Variants in CEP295NL observed in about 807,000 individuals in gnomAD.
CEP295NL encodes the protein protein DDC8 homolog.
CEP295NL carries 3 observed loss-of-function variants against 4.6 expected under a neutral mutation model. The observed-to-expected ratio is 0.65, with a 90% CI of 0.30 to 1.69. The LOEUF (loss-of-function observed/expected upper bound fraction) is 1.69, where lower values mean the gene tolerates loss of function less well. CEP295NL is among the 40% of genes most tolerant of loss of function. The probability of loss-of-function intolerance (pLI) is 0.10; values close to 1 mark genes in which losing one functional copy is unlikely to be tolerated. For synonymous variants in CEP295NL, 295 were observed against 312.2 expected, an observed-to-expected ratio of 0.94 and a Z score of 0.58; for missense variants, 719 against 769.0, an observed-to-expected ratio of 0.93 and a Z score of 0.77.
chr17:78,896,908 T>C lies in CEP295NL; in HGVS notation c.45-4449A>G. ...ATCCCAGCACCTGGGCCCAGGAATG[T>C]GCTTGGCCACCAGATTCCCAGCGAT... On this transcript the variant is annotated intron_variant, in intron 2 of 2. Transcript: ENST00000322630. This position sits in a 1 kb window ranked among gnomAD's most constrained non-coding sequence, Gnocchi z 4.4. 1.0e-6 allele frequency: 1 copy of C among 985,280 alleles called. No homozygotes were observed. The allele number at this position is 985,280 out of a possible 1,614,324, so 61.0% of individuals were successfully genotyped here.
At chr17:78,900,788 A>G (rs1402023429) in intron 2 of CEP295NL, among the ~76,000 whole-genome samples, 1 of 152,230 alleles carries the variant, frequency 6.6e-6, no homozygotes, top group Non-Finnish European at 1.5e-5. Flanking sequence ...ATGGGAACAC[A>G]TCTAAAACTT....
chr17:78,892,641 C>T (rs958431734), intron 2 of CEP295NL, 182 bp from the exon 3 acceptor site: 2 of 901,570 alleles, frequency 2.2e-6, no homozygotes, highest in African/African-American at 3.4e-5. Flanking sequence ...GTCCTGTACA[C>T]TTTTGACAAG....
chr17:78,901,393 A>AGG (rs1568004469), intron 2 of CEP295NL: 1 of 239,850 alleles, frequency 4.2e-6, no homozygotes. Flanking sequence ...AACAAGGAGC[A>AGG]AATCTGAACG....
In CEP295NL at chr17:78,891,684, C is replaced by G; in HGVS notation, c.820G>C (p.Ala274Pro). 2 of 1,551,132 alleles carry G rather than the reference C, an allele frequency of 1.3e-6. No individual in the cohort carries two copies. The highest frequency in any genetic ancestry group is 1.7e-6 in the Non-Finnish European group (2 of 1,147,126). The change falls in exon 3 of 3, where the codon GCT (alanine) becomes CCT (proline). Residue 274 changes from alanine (A) to proline (P), a missense_variant. Ala to Pro is a conservative substitution (Grantham distance 27). Transcript: ENST00000322630. This position sits in a 1 kb window ranked among gnomAD's most constrained non-coding sequence, Gnocchi z 4.5. ...GLVEEKEKGTARAGRRQLGKG... is the reference protein window; with the variant it reads ...GLVEEKEKGTPRAGRRQLGKG... ...CCCAGTTGCCTCCTCCCCGCCCGAG[C>G]TGTTCCTTTCTCTTTTTCCTCCACA...
intron 2 of CEP295NL, 70 bp from the exon 3 acceptor site, chr17:78,892,529 A>C (rs2069918138): frequency 6.8e-7 from 1 of 1,476,776 alleles, no homozygotes; most frequent in South Asian, 1.4e-5. Flanking sequence ...CCCTGGAGAC[A>C]AGCACACGGG....
intron 2 of CEP295NL, among the ~76,000 whole-genome samples, chr17:78,895,934 G>A (rs1234764318): frequency 2.0e-5 from 3 of 152,218 alleles, no homozygotes; most frequent in Admixed American, 6.5e-5. Flanking sequence ...CTCTGGAAGT[G>A]CCCCCAGCCC....
rs2069994583 is a variant in CEP295NL, at chr17:78,896,071, A to AT, written c.45-3613dup. On this transcript the variant is annotated intron_variant, in intron 2 of 2. Coordinates refer to ENST00000322630, the MANE Select transcript of CEP295NL (RefSeq NM_001243540.2). The surrounding 1 kb of genome is among the most constrained non-coding windows in gnomAD (Gnocchi z 4.4). Reference sequence around the variant, plus strand: ...ACACATTTGGGCAGAGATCTTTGGGATAAGTCTAGAAAATTGCAGCCAGCT... The same window carrying AT: ...ACACATTTGGGCAGAGATCTTTGGGATTAAGTCTAGAAAATTGCAGCCAGCT... 2.6e-5 allele frequency among the ~76,000 whole-genome samples: 4 copies of AT among 152,324 alleles called. No individual in the cohort carries two copies. In the East Asian group the frequency reaches 7.7e-4, roughly 29 times the overall value.
chr17:78,899,945 A>C (rs1355691012), intron 2 of CEP295NL: 1 of 152,222 alleles, frequency 6.6e-6, no homozygotes, highest in Non-Finnish European at 1.5e-5. Context: ...CATCGGCCAG[A>C]GAGAGAACAT....
rs2070004451 is a variant in CEP295NL at position 78,896,633 on chromosome 17, C to A, written c.45-4174G>T. Among the ~76,000 whole-genome samples, 1 of 152,120 alleles carries A rather than the reference C, an allele frequency of 6.6e-6. No individual in the cohort carries two copies. Among genetic ancestry groups the A allele is most frequent in the Admixed American group, 6.5e-5 (1 of 15,270 alleles). ...CCTGCTGCCCTCTGGTCCTGCCACC[C>A]CGAGCTGACAAGCCTGCCTTCTGCT... On this transcript the variant is annotated intron_variant, in intron 2 of 2. Transcript: ENST00000322630. The surrounding 1 kb of genome is among the most constrained non-coding windows in gnomAD (Gnocchi z 4.4).
In CEP295NL at chr17:78,891,464, T is replaced by C. The variant is rs775308099; in HGVS notation, c.1040A>G (p.Glu347Gly). 25 of 1,551,142 alleles carry C rather than the reference T, an allele frequency of 1.6e-5. No homozygotes were observed. The highest frequency in any genetic ancestry group is 2.1e-5 in the Non-Finnish European group (24 of 1,147,106). The change falls in exon 3 of 3, where the codon GAG becomes GGG. Residue 347 changes from glutamate (E) to glycine (G), a missense_variant. Physicochemically the swap from Glu to Gly is moderately conservative, Grantham distance 98 (BLOSUM62 -2). Transcript: ENST00000322630. This position sits in a 1 kb window ranked among gnomAD's most constrained non-coding sequence, Gnocchi z 4.5. ...WQKELELAFEELFNINRKLKK... is the reference protein window; with the variant it reads ...WQKELELAFEGLFNINRKLKK... ...CAGCTTTCTGTTTATATTAAACAAC[T>C]CTTCAAAGGCCAACTCCAGCTCTTT...
At position 78,891,680 on chromosome 17, in the gene CEP295NL, C is replaced by T. The variant is rs547135189; in HGVS notation, c.824G>A (p.Arg275Gln). The change falls in exon 3 of 3, where the codon CGG becomes CAG. Residue 275 changes from arginine to glutamine, a missense_variant. By Grantham distance (43) the Arg-to-Gln change is conservative. Coordinates refer to ENST00000322630, the MANE Select transcript of CEP295NL (RefSeq NM_001243540.2). The surrounding 1 kb of genome is among the most constrained non-coding windows in gnomAD (Gnocchi z 4.5). ...CTTTCCCAGTTGCCTCCTCCCCGCCCGAGCTGTTCCTTTCTCTTTTTCCTC... is the reference window on the plus strand; with the variant it reads ...CTTTCCCAGTTGCCTCCTCCCCGCCTGAGCTGTTCCTTTCTCTTTTTCCTC... ...LVEEKEKGTA[R>Q]AGRRQLGKGA... 215 of 1,551,108 alleles carry T rather than the reference C, an allele frequency of 1.4e-4. No homozygotes were observed. The highest frequency in any genetic ancestry group is 3.8e-4 in the African/African-American group (28 of 73,162).
chr17:78,894,831 C>G (rs1359234404), intron 2 of CEP295NL, among the ~76,000 whole-genome samples: 1 of 151,962 alleles, frequency 6.6e-6, no homozygotes, highest in African/African-American at 2.4e-5. Flanking sequence ...AAAAAAAAAC[C>G]TTTGTGCTTC....
chr17:78,891,591 G>C lies in CEP295NL; in HGVS notation c.913C>G (p.Leu305Val). ...GGCCACAGCTGCCCGAGGTCTCTCA[G>C]CTTCCCCTCCAGACTCTGTCCCTGA... ...RSQGQSLEGK[L>V]RDLGQLWPAD... Residue 305 changes from leucine (L) to valine (V), a missense_variant, in exon 3 of 3, where the codon CTG (leucine) becomes GTG (valine). By Grantham distance (32) the Leu-to-Val change is conservative. Transcript: ENST00000322630. The surrounding 1 kb of genome is among the most constrained non-coding windows in gnomAD (Gnocchi z 4.5). 6.4e-7 allele frequency: 1 copy of C among 1,550,904 alleles called. No homozygotes were observed. Among genetic ancestry groups the C allele is most frequent in the Non-Finnish European group, 8.7e-7 (1 of 1,147,072 alleles).
At chr17:78,900,143 C>T (rs985180153) in intron 2 of CEP295NL, 3 of 152,150 alleles carry the variant, frequency 2.0e-5, no homozygotes, top group African/African-American at 7.2e-5. Flanking sequence ...ACTAAGTGAC[C>T]CCAGAATGCA....
At position 78,891,810 on chromosome 17, in the gene CEP295NL, T is replaced by C. The variant is rs781261187; in HGVS notation, c.694A>G (p.Lys232Glu). ...ATGGCACAGCGGCCACCCCCAGACTTGGTCGAAGGTTCTGGCCTTCCCTTT... is the reference window on the plus strand; with the variant it reads ...ATGGCACAGCGGCCACCCCCAGACTCGGTCGAAGGTTCTGGCCTTCCCTTT... ...KRKGRPEPST[K>E]SGGGRCAIHP... The change falls in exon 3 of 3, where the codon AAG becomes GAG. Residue 232 changes from lysine to glutamate, a missense_variant. By Grantham distance (56) the Lys-to-Glu change is moderately conservative (BLOSUM62 1). Coordinates refer to ENST00000322630, the MANE Select transcript of CEP295NL (RefSeq NM_001243540.2). This position sits in a 1 kb window ranked among gnomAD's most constrained non-coding sequence, Gnocchi z 4.5. 1.3e-4 allele frequency: 197 copies of C among 1,550,816 alleles called. No homozygotes were observed. The Admixed American group carries it at 3.7e-3, about 29-fold the overall frequency.
chr17:78,897,102 C>A (rs75711045), intron 2 of CEP295NL: 1 of 566,894 alleles, frequency 1.8e-6, no homozygotes, highest in South Asian at 7.6e-5. Context: ...AGCACCCCCC[C>A]GCCCCCCGCC....
intron 2 of CEP295NL, among the ~76,000 whole-genome samples, chr17:78,892,865 G>A (rs189317485): frequency 4.6e-5 from 7 of 152,310 alleles, no homozygotes; most frequent in South Asian, 2.1e-4. Flanking sequence ...CAGTAGTGCC[G>A]AGACTGACAA....
intron 2 of CEP295NL, among the ~76,000 whole-genome samples, chr17:78,893,146 CAT>C (rs1411663991): frequency 1.8e-5 from 2 of 111,972 alleles, no homozygotes; most frequent in Non-Finnish European, 3.7e-5. Flanking sequence ...TGTGTGCGTA[CAT>C]GTGTGTGCAG....
rs2069898003 is a variant in CEP295NL at position 78,891,688 on chromosome 17, T to C, written c.816A>G (p.Gly272=). The change falls in exon 3 of 3, where the codon GGA becomes GGG. Residue 272 remains glycine (G), a synonymous_variant. Transcript: ENST00000322630. This position sits in a 1 kb window ranked among gnomAD's most constrained non-coding sequence, Gnocchi z 4.5. ...EIGLVEEKEK[G]TARAGRRQLG... ...GTTGCCTCCTCCCCGCCCGAGCTGT[T>C]CCTTTCTCTTTTTCCTCCACAAGCC... 1 of 1,550,852 alleles carries C rather than the reference T, an allele frequency of 6.4e-7. No homozygotes were observed. Among genetic ancestry groups the C allele is most frequent in the African/African-American group, 1.4e-5 (1 of 72,988 alleles).
Sources: gnomAD v4.1 joint callset for allele counts (sites outside exome capture counted in the v4.1 genomes callset) on GRCh38, gnomAD v4.1.1 for gene constraint, Gnocchi (gnomAD v3.1) non-coding constraint, MANE v1.5 for transcripts, NCBI Gene and HGNC (gene_info 2026-07-23, HGNC 2026-07-21) for gene names.